The following UVRAG variants were observed in gnomAD, a reference collection of about 807,000 sequenced individuals.
UVRAG encodes the protein UV radiation resistance-associated gene protein.
Under a neutral mutation model 78.0 loss-of-function variants are expected in UVRAG, and 19 were observed. That is an observed-to-expected ratio of 0.24 (90% CI 0.17 to 0.36). The LOEUF (loss-of-function observed/expected upper bound fraction) is 0.36. Among genes scored for constraint, UVRAG ranks in the 10% least tolerant of loss-of-function variants. The probability of loss-of-function intolerance (pLI) is 1.00; values close to 1 mark genes in which losing one functional copy is unlikely to be tolerated. For synonymous variants in UVRAG, 323 were observed against 324.6 expected, an observed-to-expected ratio of 1.00 and a Z score of 0.05; for missense variants, 740 against 853.8, an observed-to-expected ratio of 0.87 and a Z score of 1.66.
At chr11:75,871,656 A>G (rs1445310771) in intron 3 of UVRAG, among the ~76,000 whole-genome samples, 1 of 152,214 alleles carries the variant, frequency 6.6e-6, no homozygotes, top group East Asian at 1.9e-4. Context: ...CACTAATTCT[A>G]ATGAACATAT....
chr11:76,019,301 C>T lies in UVRAG; in HGVS notation c.1226+2321C>T, dbSNP rs181284001. 1.2e-4 allele frequency among the ~76,000 whole-genome samples: 18 copies of T among 152,244 alleles called. No homozygotes were observed. In the East Asian group the frequency reaches 1.5e-3, roughly 13 times the overall value. On this transcript the variant is annotated intron_variant, in intron 12 of 14. Coordinates refer to ENST00000356136, the MANE Select transcript of UVRAG (RefSeq NM_003369.4). The stretch of plus-strand genomic sequence containing the variant: ...AAACGGCTATTTTGAATTCTCTGTC[C>T]GAAAGATCACATACCTCTGTTTCTC...
At chr11:75,993,531 TTCCCATTAATGAATTC>T (rs1260851499) in intron 8 of UVRAG, among the ~76,000 whole-genome samples, 3 of 152,340 alleles carry the variant, frequency 2.0e-5, no homozygotes, top group African/African-American at 7.2e-5. Context: ...CCAAGTAATC[TTCCCATTAATGAATTC>T]TGTGTTGCTT....
At chr11:75,900,863 T>C (rs369392064) in intron 5 of UVRAG, among the ~76,000 whole-genome samples, 1 of 152,246 alleles carries the variant, frequency 6.6e-6, no homozygotes, top group Admixed American at 6.5e-5. Context: ...ACTATTCTTA[T>C]TTCTCAGTGC....
chr11:75,993,606 ACT>A (rs1949653087), intron 8 of UVRAG, among the ~76,000 whole-genome samples: 1 of 152,100 alleles, frequency 6.6e-6, no homozygotes, highest in South Asian at 2.1e-4. Context: ...GAAAAGCAAC[ACT>A]CTATCAAAAT....
At chr11:75,950,122 T>C (rs1948662730) in intron 6 of UVRAG, among the ~76,000 whole-genome samples, 1 of 152,224 alleles carries the variant, frequency 6.6e-6, no homozygotes, top group African/African-American at 2.4e-5. Context: ...TTTCCTTCTA[T>C]GAATATATTA....
intron 6 of UVRAG, among the ~76,000 whole-genome samples, chr11:75,922,224 A>T (rs375342824): frequency 6.6e-6 from 1 of 151,982 alleles, no homozygotes; most frequent in Non-Finnish European, 1.5e-5. Flanking sequence ...TATTCCTTCA[A>T]CAAGATTGTA....
chr11:75,998,832 A>G (rs1457122402), intron 8 of UVRAG, among the ~76,000 whole-genome samples: 5 of 152,266 alleles, frequency 3.3e-5, no homozygotes, highest in African/African-American at 1.2e-4. Context: ...GGATATTCAC[A>G]AGAAAGATTG....
At chr11:76,126,823 C>T (rs770906880) in intron 14 of UVRAG, among the ~76,000 whole-genome samples, 4 of 152,140 alleles carry the variant, frequency 2.6e-5, no homozygotes, top group Non-Finnish European at 5.9e-5. Context: ...AGATCCCTCC[C>T]ATATGCTGTT....
chr11:75,839,761 C>T (rs1317573856), intron 1 of UVRAG, among the ~76,000 whole-genome samples: 3 of 150,772 alleles, frequency 2.0e-5, no homozygotes, highest in Non-Finnish European at 4.4e-5. Flanking sequence ...TGAATATATT[C>T]ATCAGTATAT....
At chr11:76,045,413 CA>C (rs1211625496) in intron 12 of UVRAG, among the ~76,000 whole-genome samples, 2 of 151,944 alleles carry the variant, frequency 1.3e-5, no homozygotes, top group Non-Finnish European at 2.9e-5. Flanking sequence ...AATGATTAAC[CA>C]AAGAATTACC....
intron 14 of UVRAG, among the ~76,000 whole-genome samples, chr11:76,139,663 T>A (rs1952669400): frequency 6.6e-6 from 1 of 152,230 alleles, no homozygotes; most frequent in African/African-American, 2.4e-5. Flanking sequence ...CATACAAGAA[T>A]GTCTAGAGCT....
intron 7 of UVRAG, among the ~76,000 whole-genome samples, chr11:75,964,559 A>G (rs1254358527): frequency 6.6e-6 from 1 of 152,224 alleles, no homozygotes; most frequent in Admixed American, 6.5e-5. Context: ...TTGTATTTCC[A>G]TGATGAGCAT....
chr11:75,901,600 T>TA (rs140518273), intron 5 of UVRAG, among the ~76,000 whole-genome samples: 10,121 of 152,266 alleles, frequency 0.066, 468 homozygotes, highest in African/African-American at 0.13. Flanking sequence ...AGTCAGAACA[T>TA]AGAGTTGTCC....
intron 2 of UVRAG, among the ~76,000 whole-genome samples, chr11:75,854,031 C>T (rs1946227042): frequency 6.6e-6 from 1 of 152,136 alleles, no homozygotes; most frequent in Non-Finnish European, 1.5e-5. Flanking sequence ...CTGCCTCAGC[C>T]TCCCAACGTG....
intron 14 of UVRAG, among the ~76,000 whole-genome samples, chr11:76,140,437 G>C (rs1450052235): frequency 6.6e-6 from 1 of 151,946 alleles, no homozygotes; most frequent in Non-Finnish European, 1.5e-5. Flanking sequence ...TTCCCCATAG[G>C]ACAGGGTTTC....
intron 12 of UVRAG, among the ~76,000 whole-genome samples, chr11:76,064,314 T>C (rs1951147271): frequency 6.6e-6 from 1 of 152,242 alleles, no homozygotes; most frequent in Non-Finnish European, 1.5e-5. Context: ...AGATTTTCTC[T>C]AAAGTGCCCC....
chr11:75,946,820 G>A (rs1012804965), intron 6 of UVRAG, among the ~76,000 whole-genome samples: 1 of 152,118 alleles, frequency 6.6e-6, no homozygotes, highest in Non-Finnish European at 1.5e-5. Flanking sequence ...GGCTTACCTG[G>A]TTAGAGCAGA....
At chr11:75,867,621 A>G (rs2134811415) in intron 3 of UVRAG, among the ~76,000 whole-genome samples, 1 of 152,270 alleles carries the variant, frequency 6.6e-6, no homozygotes. Context: ...AAATGTATGG[A>G]TGTATTTCTG....
intron 12 of UVRAG, among the ~76,000 whole-genome samples, chr11:76,044,403 T>G (rs1269513015): frequency 2.6e-5 from 4 of 152,192 alleles, no homozygotes; most frequent in Non-Finnish European, 5.9e-5. Flanking sequence ...GTAGTAAATG[T>G]CAAACTTCTG....
Sources: allele counts gnomAD v4.1 joint callset (sites outside exome capture counted in the v4.1 genomes callset), GRCh38; gene constraint gnomAD v4.1.1; transcripts MANE v1.5; gene names NCBI Gene and HGNC (gene_info 2026-07-23, HGNC 2026-07-21).